CNTN6: variants seen among roughly 807,000 people sequenced by gnomAD.
CNTN6 encodes contactin 6.
A neutral mutation model predicts 122.8 loss-of-function variants in CNTN6; 137 were observed. The observed-to-expected ratio is 1.12, with a 90% CI of 0.97 to 1.29. The LOEUF is 1.29. Ranked by LOEUF, CNTN6 falls within the 50% of genes most tolerant of loss-of-function variation. CNTN6 has a pLI of 0.00. For synonymous variants in CNTN6, 570 were observed against 426.0 expected, an observed-to-expected ratio of 1.34 and a Z score of -4.16; for missense variants, 1,634 against 1,223.4, an observed-to-expected ratio of 1.34 and a Z score of -5.01.
intron 4 of CNTN6, among the ~76,000 whole-genome samples, chr3:1,251,092 G>A (rs2094659666): frequency 2.6e-5 from 4 of 152,180 alleles, no homozygotes; most frequent in East Asian, 1.9e-4. Flanking sequence ...TACTCCTGTC[G>A]AATATCTTGG....
chr3:1,361,589 A>G (rs539289406), intron 12 of CNTN6, among the ~76,000 whole-genome samples: 2 of 152,244 alleles, frequency 1.3e-5, no homozygotes, highest in African/African-American at 2.4e-5. Context: ...TCTTCAAGCT[A>G]TTATCTAAAA....
chr3:1,238,027 A>AC (rs2094441905), intron 4 of CNTN6, among the ~76,000 whole-genome samples: 2 of 152,182 alleles, frequency 1.3e-5, no homozygotes, highest in South Asian at 4.1e-4. Context: ...ACAAAACAAA[A>AC]AAAAACCACA....
intron 2 of CNTN6, among the ~76,000 whole-genome samples, chr3:1,177,557 A>G (rs571155854): frequency 4.0e-4 from 61 of 152,224 alleles, no homozygotes; most frequent in Admixed American, 2.3e-3. Context: ...TTTAAAATAT[A>G]TTTCAAGTTC....
At chr3:1,257,682 A>C (rs138875365) in intron 4 of CNTN6, among the ~76,000 whole-genome samples, 1 of 152,088 alleles carries the variant, frequency 6.6e-6, no homozygotes, top group Admixed American at 6.6e-5. Context: ...AAAGTTCCCA[A>C]TTACTCTAAA....
chr3:1,347,443 A>G (rs1704905842), intron 11 of CNTN6, among the ~76,000 whole-genome samples: 1 of 152,150 alleles, frequency 6.6e-6, no homozygotes, highest in South Asian at 2.1e-4. Context: ...CGTTATCACT[A>G]AACTTATTGA....
chr3:1,245,408 A>C (rs2094569366), intron 4 of CNTN6, among the ~76,000 whole-genome samples: 1 of 138,780 alleles, frequency 7.2e-6, no homozygotes, highest in Non-Finnish European at 1.5e-5. Flanking sequence ...GGAATTGGAG[A>C]CTATTATTGT....
rs191319448 is a variant in CNTN6 at position 1,108,978 on chromosome 3, G to C, written c.-83+15858G>C. ...ATTTAAAGCAATTGTAGTAAAGTAA[G>C]TCAAAAGTCCTGATTGTTTATGTGT... On this transcript the variant is annotated intron_variant, in intron 1 of 22. Coordinates refer to ENST00000446702, the MANE Select transcript of CNTN6 (RefSeq NM_001289080.2). Among the ~76,000 whole-genome samples the C allele has an allele frequency of 3.8e-3, 572 of 152,086 alleles. 8 individuals are homozygous for C. Among genetic ancestry groups the C allele is most frequent in the African/African-American group, 0.012 (511 of 41,538 alleles).
intron 12 of CNTN6, among the ~76,000 whole-genome samples, chr3:1,365,352 A>G (rs1708063769): frequency 6.6e-6 from 1 of 152,070 alleles, no homozygotes; most frequent in Admixed American, 6.6e-5. Context: ...TATGGTAACA[A>G]ATTATTATTT....
In CNTN6 at chr3:1,305,989, A is replaced by C. The variant is rs533693438; in HGVS notation, c.761+7998A>C. On this transcript the variant is annotated intron_variant, in intron 7 of 22. Transcript: ENST00000446702. ...TGGACATCATTGCAGATTATACTGCAGAAAGATTTTTCAAGTCACTTAAGA... is the reference window on the plus strand; with the variant it reads ...TGGACATCATTGCAGATTATACTGCCGAAAGATTTTTCAAGTCACTTAAGA... 2.3e-4 allele frequency among the ~76,000 whole-genome samples: 35 copies of C among 152,322 alleles called. No individual in the cohort carries two copies. In the South Asian group the frequency reaches 3.7e-3, roughly 16 times the overall value.
intron 17 of CNTN6, 87 bp downstream of exon 17, chr3:1,377,162 C>A (rs915948615): frequency 2.2e-6 from 2 of 915,206 alleles, no homozygotes; most frequent in Non-Finnish European, 3.4e-6. Flanking sequence ...TTTATTTGAT[C>A]ACTATTGAGA....
chr3:1,387,336 ATTCCTT>A (rs1693179024), intron 20 of CNTN6, among the ~76,000 whole-genome samples: 1 of 151,558 alleles, frequency 6.6e-6, no homozygotes. Context: ...ATGAAGTTCT[ATTCCTT>A]TTCCTGTTTT....
At chr3:1,289,725 A>G (rs974108543) in intron 5 of CNTN6, among the ~76,000 whole-genome samples, 1 of 137,040 alleles carries the variant, frequency 7.3e-6, no homozygotes, top group South Asian at 2.3e-4. Flanking sequence ...CCCAGGCTGG[A>G]GGGCAGGGGC....
chr3:1,386,697 A>G (rs905077383), intron 20 of CNTN6, among the ~76,000 whole-genome samples: 2 of 151,042 alleles, frequency 1.3e-5, no homozygotes, highest in Admixed American at 6.6e-5. Context: ...TTTAAAACAC[A>G]TTTTTTTGCT....
chr3:1,378,412 C>G (rs927531345), intron 17 of CNTN6, among the ~76,000 whole-genome samples: 1 of 152,118 alleles, frequency 6.6e-6, no homozygotes, highest in East Asian at 1.9e-4. Context: ...AGACGTTATT[C>G]TTTATGGTTA....
chr3:1,252,430 G>C (rs1260140539), intron 4 of CNTN6, among the ~76,000 whole-genome samples: 2 of 152,154 alleles, frequency 1.3e-5, no homozygotes, highest in Non-Finnish European at 1.5e-5. Flanking sequence ...ACCTGAGCCA[G>C]AGACAACCAC....
chr3:1,102,935 G>A (rs569631601), intron 1 of CNTN6, among the ~76,000 whole-genome samples: 29 of 150,294 alleles, frequency 1.9e-4, no homozygotes, highest in Non-Finnish European at 3.7e-4. Context: ...GTGAAACCCC[G>A]TCTCTACCAA....
At chr3:1,227,500 T>C (rs1351965671) in intron 3 of CNTN6, among the ~76,000 whole-genome samples, 1 of 152,210 alleles carries the variant, frequency 6.6e-6, no homozygotes, top group Non-Finnish European at 1.5e-5. Flanking sequence ...ATTTGAAAAG[T>C]CACTAAAGGA....
rs265776 is a variant in CNTN6, at chr3:1,327,594, G to T, written c.1213+8G>T. On this transcript the variant is annotated splice_region_variant and intron_variant, in intron 10 of 22. Transcript: ENST00000446702. ...CTGAATTGAGAGTTTTAGGTAAGTC[G>T]TTTATTTACAACCAACAAATTCAAA... The T allele has an allele frequency of 6.2e-7, 1 of 1,607,052 alleles. No homozygotes were observed. The highest frequency in any genetic ancestry group is 1.7e-5 in the Admixed American group (1 of 59,454).
At chr3:1,242,191 T>A (rs58062570) in intron 4 of CNTN6, among the ~76,000 whole-genome samples, 3,352 of 150,578 alleles carry the variant, frequency 0.022, 105 homozygotes, top group African/African-American at 0.078. Context: ...AGTACAGCCT[T>A]GGTAATTTGC....
Sources: allele counts gnomAD v4.1 joint callset (sites outside exome capture counted in the v4.1 genomes callset), GRCh38; gene constraint gnomAD v4.1.1; transcripts MANE v1.5; gene names NCBI Gene and HGNC (gene_info 2026-07-23, HGNC 2026-07-21).